The following CEP112 variants were observed in gnomAD, a reference collection of about 807,000 sequenced individuals.
The protein encoded by CEP112 is centrosomal protein 112, also known as centrosomal protein of 112 kDa.
CEP112 carries 127 observed loss-of-function variants against 153.0 expected under a neutral mutation model. The observed-to-expected ratio is 0.83, with a 90% CI of 0.72 to 0.96. The LOEUF (loss-of-function observed/expected upper bound fraction) is 0.96. Ranked by LOEUF, CEP112 falls within the 40% of genes least tolerant of loss-of-function variation. The pLI is 0.00. For synonymous variants in CEP112, 358 were observed against 374.4 expected, an observed-to-expected ratio of 0.96 and a Z score of 0.51; for missense variants, 1,089 against 1,101.2, an observed-to-expected ratio of 0.99 and a Z score of 0.16.
chr17:65,704,189 C>T (rs1199512362), intron 23 of CEP112, among the ~76,000 whole-genome samples: 1 of 151,996 alleles, frequency 6.6e-6, no homozygotes, highest in Non-Finnish European at 1.5e-5. Flanking sequence ...TGGGAAACAT[C>T]AGAAGCTGAA....
intron 21 of CEP112, among the ~76,000 whole-genome samples, chr17:65,812,771 T>G (rs780736628): frequency 1.9e-4 from 29 of 152,082 alleles, no homozygotes; most frequent in Non-Finnish European, 3.2e-4. Context: ...AAAGTCAAAG[T>G]GACTTTCAAG....
chr17:65,852,262 TTCCC>T (rs746244523), intron 20 of CEP112, among the ~76,000 whole-genome samples: 1,297 of 77,260 alleles, frequency 0.017, 25 homozygotes, highest in Middle Eastern at 0.062. Context: ...TTCCCTTTCC[TTCCC>T]TCCCTCCCTC....
intron 17 of CEP112, among the ~76,000 whole-genome samples, chr17:65,967,851 C>T (rs1236233676): frequency 4.0e-5 from 6 of 148,738 alleles, no homozygotes. Flanking sequence ...CTATGGTAAA[C>T]TAACAAAATA....
At chr17:65,976,558 C>T (rs373599116) in intron 17 of CEP112, among the ~76,000 whole-genome samples, 32 of 151,880 alleles carry the variant, frequency 2.1e-4, no homozygotes, top group Non-Finnish European at 3.8e-4. Flanking sequence ...AGAAGTATGC[C>T]ATCTGCATAC....
intron 21 of CEP112, among the ~76,000 whole-genome samples, chr17:65,844,814 G>A (rs1365222736): frequency 6.6e-6 from 1 of 151,676 alleles, no homozygotes; most frequent in East Asian, 1.9e-4. Context: ...AGGAGATCAA[G>A]ACCATCCTGG....
chr17:65,936,234 T>G (rs1478771994), intron 18 of CEP112, among the ~76,000 whole-genome samples: 1 of 152,202 alleles, frequency 6.6e-6, no homozygotes, highest in African/African-American at 2.4e-5. Context: ...CTAAGGAGAC[T>G]GAATCATTAG....
intron 20 of CEP112, among the ~76,000 whole-genome samples, chr17:65,885,955 C>A (rs891420054): frequency 2.6e-5 from 4 of 152,174 alleles, no homozygotes; most frequent in Non-Finnish European, 5.9e-5. Context: ...AAAAATAGAT[C>A]ATTTCACGTG....
intron 17 of CEP112, among the ~76,000 whole-genome samples, chr17:65,976,127 C>T (rs2063025620): frequency 6.6e-6 from 1 of 152,228 alleles, no homozygotes; most frequent in South Asian, 2.1e-4. Flanking sequence ...CAGCCCCCTG[C>T]CTCTCTCCCC....
At chr17:65,985,468 A>G (rs141459180) in intron 17 of CEP112, among the ~76,000 whole-genome samples, 200 of 152,318 alleles carry the variant, frequency 1.3e-3, no homozygotes, top group Middle Eastern at 6.8e-3. Flanking sequence ...CAGGAGAGGT[A>G]GAGGAGGACC....
chr17:66,132,716 C>G lies in CEP112; in HGVS notation c.518G>C (p.Ser173Thr), dbSNP rs2070245566. The G allele has an allele frequency of 6.2e-7, 1 of 1,614,032 alleles. No individual in the cohort carries two copies. Among genetic ancestry groups the G allele is most frequent in the Non-Finnish European group, 8.5e-7 (1 of 1,179,898 alleles). The change falls in exon 5 of 27, where the codon AGT (serine) becomes ACT (threonine). Residue 173 changes from serine (S) to threonine (T), a missense_variant. Transcript: ENST00000535342. The stretch of plus-strand genomic sequence containing the variant: ...TTGTCCATCTTCTCTGTGAGTTGGA[C>G]TCAAGGAGTGTGATCTCACTCGGAG... ...GKLRVRSHSLSPTHREDGQNI... is the reference protein window; with the variant it reads ...GKLRVRSHSLTPTHREDGQNI...
At chr17:66,044,049 A>G (rs2066098168) in intron 12 of CEP112, among the ~76,000 whole-genome samples, 1 of 152,148 alleles carries the variant, frequency 6.6e-6, no homozygotes, top group South Asian at 2.1e-4. Context: ...TATATTTACT[A>G]GTATTACCTA....
At chr17:65,872,653 C>G (rs2058702557) in intron 20 of CEP112, among the ~76,000 whole-genome samples, 1 of 152,128 alleles carries the variant, frequency 6.6e-6, no homozygotes, top group African/African-American at 2.4e-5. Context: ...TCAAGACCCA[C>G]AGAGAAATGC....
Position 66,022,105 on chromosome 17 carries a change from CA to C in CEP112, c.1656+5395del, listed in dbSNP as rs149350748. Among the ~76,000 whole-genome samples the C allele has an allele frequency of 4.3e-3, 661 of 152,298 alleles. 1 individual carries two copies. Among genetic ancestry groups the C allele is most frequent in the Middle Eastern group, 0.01 (3 of 294 alleles). On this transcript the variant is annotated intron_variant, in intron 16 of 26. Transcript: ENST00000535342. ...TGTGAGCCTGCTTACCTTCCAGGTA[CA>C]CCACTACTACAACCAGTATTTGAGA...
At chr17:65,937,532 TCTGC>T (rs2061363248) in intron 18 of CEP112, among the ~76,000 whole-genome samples, 1 of 124,740 alleles carries the variant, frequency 8.0e-6, no homozygotes, top group East Asian at 3.1e-4. Flanking sequence ...GAGGAGCCCC[TCTGC>T]CCGGCCAGCC....
chr17:66,055,608 A>T lies in CEP112; in HGVS notation c.1075-1729T>A, dbSNP rs9904045. ...GGTTTCCTCATGTTTAAGGTCTCCC[A>T]AAGCCCCTAGAACATATGCCTGCCG... On this transcript the variant is annotated intron_variant, in intron 11 of 26. Coordinates refer to ENST00000535342, the MANE Select transcript of CEP112 (RefSeq NM_001199165.4). Among the ~76,000 whole-genome samples the T allele has an allele frequency of 1.8e-3, 272 of 152,282 alleles. 2 individuals are homozygous for T. Among genetic ancestry groups the T allele is most frequent in the African/African-American group, 6.2e-3 (258 of 41,562 alleles).
chr17:65,713,713 A>G (rs2049328926), intron 23 of CEP112, among the ~76,000 whole-genome samples: 2 of 152,072 alleles, frequency 1.3e-5, no homozygotes, highest in Non-Finnish European at 1.5e-5. Context: ...CAGCCTCCCA[A>G]GTAGCTGGGA....
chr17:65,837,727 A>G (rs1399125240), intron 21 of CEP112, among the ~76,000 whole-genome samples: 2 of 152,196 alleles, frequency 1.3e-5, no homozygotes. Flanking sequence ...AGGAGACTCC[A>G]TTTTGTTCTG....
chr17:65,796,509 T>C (rs908593963), intron 21 of CEP112, among the ~76,000 whole-genome samples: 1 of 152,132 alleles, frequency 6.6e-6, no homozygotes, highest in Admixed American at 6.5e-5. Flanking sequence ...TTCTTCTACG[T>C]AGAAATCAGA....
intron 16 of CEP112, among the ~76,000 whole-genome samples, chr17:66,018,944 T>C (rs555378305): frequency 3.3e-5 from 5 of 152,346 alleles, no homozygotes; most frequent in Admixed American, 2.6e-4. Context: ...GGCAGGTGTT[T>C]CCTTGCTAGT....
Sources: gnomAD v4.1 joint callset for allele counts (sites outside exome capture counted in the v4.1 genomes callset) on GRCh38, gnomAD v4.1.1 for gene constraint, MANE v1.5 for transcripts, NCBI Gene and HGNC (gene_info 2026-07-23, HGNC 2026-07-21) for gene names.